Variants in SEMA3E observed in about 807,000 individuals in gnomAD.
SEMA3E encodes the protein semaphorin-3E.
A neutral mutation model predicts 93.6 loss-of-function variants in SEMA3E; 49 were observed. The observed-to-expected ratio is 0.52, with a 90% CI of 0.42 to 0.66. SEMA3E has a LOEUF of 0.66. SEMA3E is among the 30% of genes least tolerant of loss of function. The pLI is 0.00. For missense variants in SEMA3E, 906 were observed against 964.8 expected (o/e 0.94, Z 0.81); for synonymous variants, 363 against 330.7 (o/e 1.10, Z -1.06).
At chr7:83,529,007 T>C (rs538074254) in intron 1 of SEMA3E, among the ~76,000 whole-genome samples, 140 of 152,242 alleles carry the variant, frequency 9.2e-4, no homozygotes, top group African/African-American at 3.2e-3. Context: ...GGTCTGAGCT[T>C]AAAAGAGTAT....
intron 1 of SEMA3E, among the ~76,000 whole-genome samples, chr7:83,538,455 A>G (rs1180016801): frequency 2.6e-5 from 4 of 152,060 alleles, no homozygotes; most frequent in African/African-American, 9.7e-5. Context: ...GCATCTTTTC[A>G]TGTGCTTACT....
intron 16 of SEMA3E, among the ~76,000 whole-genome samples, chr7:83,379,944 G>T (rs1165620034): frequency 2.0e-5 from 3 of 151,444 alleles, no homozygotes; most frequent in African/African-American, 7.3e-5. Flanking sequence ...ATTTTTTTCT[G>T]ATGTCTCTCC....
chr7:83,507,424 C>CTGTG (rs4016317), intron 1 of SEMA3E, among the ~76,000 whole-genome samples: 13,220 of 125,692 alleles, frequency 0.11, 778 homozygotes, highest in Non-Finnish European at 0.12. Context: ...AAACAGAACT[C>CTGTG]TGTGTGTGTG....
At chr7:83,418,303 A>G (rs1788598305) in intron 5 of SEMA3E, 87 bp downstream of exon 5, 1 of 942,124 alleles carries the variant, frequency 1.1e-6, no homozygotes, top group Non-Finnish European at 1.7e-6. Context: ...GTATGTAAAG[A>G]AATGCTGAAA....
At chr7:83,620,674 G>T (rs1793535281) in intron 1 of SEMA3E, among the ~76,000 whole-genome samples, 2 of 152,086 alleles carry the variant, frequency 1.3e-5, no homozygotes, top group Non-Finnish European at 2.9e-5. Flanking sequence ...TCATCAGGGG[G>T]ATGCAAGGTT....
In SEMA3E at chr7:83,405,971, C is replaced by A; in HGVS notation, c.902G>T (p.Gly301Val). The change falls in exon 8 of 17, where the codon GGA (glycine) becomes GTA (valine). Residue 301 changes from glycine (G) to valine (V), a missense_variant. Gly to Val is a moderately radical substitution (Grantham distance 109, BLOSUM62 -3). Coordinates refer to ENST00000643230, the MANE Select transcript of SEMA3E (RefSeq NM_012431.3). The stretch of plus-strand genomic sequence containing the variant: ...TAATTCATCAAAATATGTGTCAATT[C>A]CATTCATTCCTGGTACTGAGCAAAC... Reference protein sequence around the residue: ...RLVCSVPGMNGIDTYFDELED... With the variant: ...RLVCSVPGMNVIDTYFDELED... The A allele has an allele frequency of 6.2e-7, 1 of 1,612,926 alleles. No individual in the cohort carries two copies. The highest frequency in any genetic ancestry group is 8.5e-7 in the Non-Finnish European group (1 of 1,179,096).
intron 4 of SEMA3E, among the ~76,000 whole-genome samples, chr7:83,465,433 A>G (rs1002948521): frequency 1.4e-4 from 21 of 151,656 alleles, no homozygotes; most frequent in African/African-American, 4.2e-4. Flanking sequence ...TGAAGTAGTT[A>G]AAGCACGGGC....
intron 4 of SEMA3E, among the ~76,000 whole-genome samples, chr7:83,437,364 G>A (rs1269100379): frequency 6.6e-6 from 1 of 151,972 alleles, no homozygotes; most frequent in East Asian, 1.9e-4. Flanking sequence ...TTAAAAGTTT[G>A]TATAAAACCT....
chr7:83,635,797 C>A (rs1793871656), intron 1 of SEMA3E, among the ~76,000 whole-genome samples: 1 of 151,108 alleles, frequency 6.6e-6, no homozygotes, highest in Non-Finnish European at 1.5e-5. Flanking sequence ...CACTATGTTA[C>A]TACCAATAGC....
intron 5 of SEMA3E, among the ~76,000 whole-genome samples, chr7:83,415,959 A>G (rs1788530948): frequency 6.6e-6 from 1 of 152,128 alleles, no homozygotes. Flanking sequence ...ATTCTTTCAC[A>G]GTCAGAGTAA....
rs543676453 is a variant in SEMA3E at position 83,415,730 on chromosome 7, A to AT, written c.550+2659dup. Among the ~76,000 whole-genome samples, 863 of 150,908 alleles carry AT rather than the reference A, an allele frequency of 5.7e-3. 8 individuals carry two copies. Among genetic ancestry groups the AT allele is most frequent in the African/African-American group, 0.02 (812 of 41,270 alleles). ...GAAAATTCTCTAATTTGCAAGCACC[A>AT]TTTTTTTTTAGGTCAAGCAGCTTTA... On this transcript the variant is annotated intron_variant, in intron 5 of 16. Transcript: ENST00000643230.
At chr7:83,506,985 T>C (rs544065599) in intron 1 of SEMA3E, among the ~76,000 whole-genome samples, 1 of 152,306 alleles carries the variant, frequency 6.6e-6, no homozygotes, top group South Asian at 2.1e-4. Flanking sequence ...GTTCTTACAT[T>C]CTATATTTTA....
In SEMA3E at chr7:83,640,292, T is replaced by G. The variant is rs553025300; in HGVS notation, c.115+8136A>C. Among the ~76,000 whole-genome samples the G allele has an allele frequency of 5.9e-5, 9 of 152,296 alleles. No homozygotes were observed. In the South Asian group the frequency reaches 1.9e-3, roughly 32 times the overall value. On this transcript the variant is annotated intron_variant, in intron 1 of 16. Coordinates refer to ENST00000643230, the MANE Select transcript of SEMA3E (RefSeq NM_012431.3). ...CCTTTTTATTCTGGTTTCCCTAAAT[T>G]AAAGCTCAAAACTCAGAGAAAACAA...
At chr7:83,507,048 C>A (rs577791394) in intron 1 of SEMA3E, among the ~76,000 whole-genome samples, 2 of 152,304 alleles carry the variant, frequency 1.3e-5, no homozygotes, top group Non-Finnish European at 2.9e-5. Context: ...CTGAGAATAT[C>A]ATTCCTGCCA....
At chr7:83,411,901 TAAC>T (rs1357016463) in intron 5 of SEMA3E, among the ~76,000 whole-genome samples, 2 of 152,144 alleles carry the variant, frequency 1.3e-5, no homozygotes, top group Non-Finnish European at 2.9e-5. Flanking sequence ...TGGGCGAGTT[TAAC>T]AACTTCTCAC....
At chr7:83,528,852 G>A (rs3801528) in intron 1 of SEMA3E, among the ~76,000 whole-genome samples, 1 of 151,784 alleles carries the variant, frequency 6.6e-6, no homozygotes, top group Admixed American at 6.6e-5. Flanking sequence ...ATTTATTAGT[G>A]TTCTCTACCT....
chr7:83,421,394 G>A (rs545825973), intron 4 of SEMA3E, among the ~76,000 whole-genome samples: 1 of 141,306 alleles, frequency 7.1e-6, no homozygotes, highest in East Asian at 1.9e-4. Context: ...TATAACCATA[G>A]AACTTATCCC....
intron 1 of SEMA3E, among the ~76,000 whole-genome samples, chr7:83,587,611 A>C (rs1562844369): frequency 6.6e-6 from 1 of 152,032 alleles, no homozygotes; most frequent in East Asian, 1.9e-4. Flanking sequence ...CTTAGAAAAA[A>C]TAGTAGAAAA....
At chr7:83,388,588 G>C (rs896988173) in intron 14 of SEMA3E, among the ~76,000 whole-genome samples, 3 of 151,908 alleles carry the variant, frequency 2.0e-5, no homozygotes, top group Non-Finnish European at 2.9e-5. Flanking sequence ...AGGCAAAGCA[G>C]AAGTTTTACC....
Sources: allele counts gnomAD v4.1 joint callset (sites outside exome capture counted in the v4.1 genomes callset), GRCh38; gene constraint gnomAD v4.1.1; transcripts MANE v1.5; gene names NCBI Gene and HGNC (gene_info 2026-07-23, HGNC 2026-07-21).